The following IP6K2 variants were observed in gnomAD, a reference collection of about 807,000 sequenced individuals.
IP6K2 encodes inositol hexakisphosphate kinase 2, also known as ATP:1D-myo-inositol-hexakisphosphate phosphotransferase.
A neutral mutation model predicts 43.3 loss-of-function variants in IP6K2; 9 were observed. The observed-to-expected ratio is 0.21, with a 90% CI of 0.13 to 0.36. IP6K2 has a LOEUF of 0.36. Ranked by LOEUF, IP6K2 falls within the 10% of genes least tolerant of loss-of-function variation. IP6K2 has a pLI of 1.00. For synonymous variants in IP6K2, 209 were observed against 202.4 expected, an observed-to-expected ratio of 1.03 and a Z score of -0.28; for missense variants, 332 against 538.4, an observed-to-expected ratio of 0.62 and a Z score of 3.79.
chr3:48,715,449 C>A, intron 1 of IP6K2: 3 of 1,535,950 alleles, frequency 2.0e-6, no homozygotes, highest in Non-Finnish European at 2.6e-6. Context: ...TCAGTGGTTG[C>A]TCCTTCTTTC....
chr3:48,703,495 G>A (rs1038614746), intron 1 of IP6K2, among the ~76,000 whole-genome samples: 7 of 147,256 alleles, frequency 4.8e-5, no homozygotes, highest in Non-Finnish European at 4.5e-5. Flanking sequence ...ACGAGGTCAG[G>A]AGATCAAGAC....
intron 1 of IP6K2, among the ~76,000 whole-genome samples, chr3:48,705,287 C>A (rs1377478645): frequency 6.6e-6 from 1 of 151,560 alleles, no homozygotes; most frequent in Admixed American, 6.6e-5. Flanking sequence ...AAACTACTGG[C>A]CTCAAGTGAT....
At chr3:48,690,307 G>A (rs1468956640) in intron 4 of IP6K2, among the ~76,000 whole-genome samples, 1 of 152,204 alleles carries the variant, frequency 6.6e-6, no homozygotes, top group Non-Finnish European at 1.5e-5. Context: ...TGGCCTATAA[G>A]CTAGGAATGG....
rs1038337384 is a variant in IP6K2 at position 48,715,311 on chromosome 3, T to C, written c.-131+1846A>G. The C allele has an allele frequency of 1.6e-5, 25 of 1,536,046 alleles. No homozygotes were observed. In the African/African-American group the frequency reaches 3.1e-4, roughly 19 times the overall value. ...TTATGAGCCAAACAATGGAAAATTT[T>C]CACCTCAGTAAGCTGGCCTCAGGGA... On this transcript the variant is annotated intron_variant, in intron 1 of 5. Transcript: ENST00000328631.
chr3:48,706,608 G>C (rs1011164372), intron 1 of IP6K2, among the ~76,000 whole-genome samples: 2 of 152,116 alleles, frequency 1.3e-5, no homozygotes, highest in African/African-American at 4.8e-5. Flanking sequence ...GTAGCACTTT[G>C]GGAGGCAGAT....
At chr3:48,714,003 G>A (rs1340935989) in intron 1 of IP6K2, among the ~76,000 whole-genome samples, 1 of 151,998 alleles carries the variant, frequency 6.6e-6, no homozygotes, top group Non-Finnish European at 1.5e-5. Context: ...TGTAGTCCCA[G>A]CTACTAGGGA....
chr3:48,694,645 G>T, intron 2 of IP6K2: 1 of 1,511,906 alleles, frequency 6.6e-7, no homozygotes, highest in South Asian at 1.3e-5. Flanking sequence ...ATCAGCACAG[G>T]CCTCCCACTC....
At chr3:48,694,994 G>C (rs905728889) in intron 2 of IP6K2, 96 bp downstream of exon 2, 1 of 1,609,614 alleles carries the variant, frequency 6.2e-7, no homozygotes, top group Non-Finnish European at 8.5e-7. Context: ...GTGGGAGGGA[G>C]TGAGGGCTCC....
rs2078274872 is a variant in IP6K2 at position 48,695,818 on chromosome 3, T to A, written c.-130-397A>T. ...AAGTGGATGATGCCCAGGTCTCCCA[T>A]TAATTTTATATATTATATATAATAT... On this transcript the variant is annotated intron_variant, in intron 1 of 5. Transcript: ENST00000328631. This position sits in a 1 kb window ranked among gnomAD's most constrained non-coding sequence, Gnocchi z 4.6. 1.3e-5 allele frequency among the ~76,000 whole-genome samples: 2 copies of A among 148,352 alleles called. No homozygotes were observed. The highest frequency in any genetic ancestry group is 4.9e-5 in the African/African-American group (2 of 40,796).
chr3:48,707,398 G>C (rs1575727793), intron 1 of IP6K2, among the ~76,000 whole-genome samples: 2 of 152,110 alleles, frequency 1.3e-5, no homozygotes, highest in Non-Finnish European at 2.9e-5. Context: ...TATACAAGGT[G>C]CTAGAAGGTC....
In IP6K2 at chr3:48,694,079, G is replaced by A. The variant is rs946898132; in HGVS notation, c.203-900C>T. ...GTCCTCGACTGCTGCAGGGGAATGC[G>A]TGCTCAGAGAGAGATGACACTTCTG... On this transcript the variant is annotated intron_variant, in intron 2 of 5. Coordinates refer to ENST00000328631, the MANE Select transcript of IP6K2 (RefSeq NM_016291.4). 7.5e-6 allele frequency: 11 copies of A among 1,467,252 alleles called. No individual in the cohort carries two copies. The East Asian group carries it at 1.5e-4, about 20-fold the overall frequency. The allele number at this position is 1,467,252 out of a possible 1,614,324, so 90.9% of individuals were successfully genotyped here. A position where few individuals can be genotyped will look rare whatever the true frequency, so the allele number is the denominator to read the frequency against.
rs2078253105 is a variant in IP6K2 at position 48,695,615 on chromosome 3, G to A, written c.-130-194C>T. 1 of 620,676 alleles carries A rather than the reference G, an allele frequency of 1.6e-6. No homozygotes were observed. 38.4% of individuals were successfully genotyped at this position (620,676 alleles called of 1,614,324 possible). A position where few individuals can be genotyped will look rare whatever the true frequency, so the allele number is the denominator to read the frequency against. On this transcript the variant is annotated intron_variant, in intron 1 of 5. Transcript: ENST00000328631. This position sits in a 1 kb window ranked among gnomAD's most constrained non-coding sequence, Gnocchi z 4.6. ...AAAACACTATGAGCTCATGGGGCGG[G>A]GTTAGATGCAGACAGGCAGGGAATG...
At chr3:48,714,532 C>A (rs2080955746) in intron 1 of IP6K2, among the ~76,000 whole-genome samples, 1 of 151,474 alleles carries the variant, frequency 6.6e-6, no homozygotes, top group Non-Finnish European at 1.5e-5. Context: ...AGCTGGGATT[C>A]CAGGCACCTG....
At chr3:48,712,728 A>G (rs1377024266) in intron 1 of IP6K2, among the ~76,000 whole-genome samples, 5 of 150,704 alleles carry the variant, frequency 3.3e-5, no homozygotes, top group Middle Eastern at 3.2e-3. Flanking sequence ...TAAAATTTGT[A>G]TGTGCAGGCC....
At chr3:48,694,213 C>T (rs1348556816) in intron 2 of IP6K2, 1 of 1,551,414 alleles carries the variant, frequency 6.4e-7, no homozygotes. Context: ...CAGGGATGGC[C>T]AGCTAACAAG....
intron 1 of IP6K2, among the ~76,000 whole-genome samples, chr3:48,697,169 C>A (rs1575635646): frequency 6.6e-6 from 1 of 151,724 alleles, no homozygotes; most frequent in East Asian, 1.9e-4. Flanking sequence ...TACAGGCGCC[C>A]GCCACCACAC....
chr3:48,694,923 T>TAA, intron 2 of IP6K2, 167 bp downstream of exon 2: 1 of 1,549,048 alleles, frequency 6.5e-7, no homozygotes, highest in Non-Finnish European at 8.7e-7. Flanking sequence ...AAACTGAGGG[T>TAA]GTGAGATGCT....
intron 1 of IP6K2, among the ~76,000 whole-genome samples, chr3:48,709,667 T>C (rs1454754880): frequency 6.6e-6 from 1 of 151,882 alleles, no homozygotes; most frequent in African/African-American, 2.4e-5. Flanking sequence ...TGAAACCCCG[T>C]CTCTACTAAA....
intron 1 of IP6K2, among the ~76,000 whole-genome samples, chr3:48,700,837 C>A (rs564267538): frequency 5.3e-5 from 8 of 152,106 alleles, no homozygotes; most frequent in Non-Finnish European, 1.2e-4. Context: ...ATAAGGCACA[C>A]TATACTGATG....
Sources: allele counts gnomAD v4.1 joint callset (sites outside exome capture counted in the v4.1 genomes callset), GRCh38; gene constraint gnomAD v4.1.1; non-coding constraint Gnocchi (gnomAD v3.1); transcripts MANE v1.5; gene names NCBI Gene and HGNC (gene_info 2026-07-23, HGNC 2026-07-21).